The following EBF1 variants were observed in gnomAD, a reference collection of about 807,000 sequenced individuals.
The protein encoded by EBF1 is EBF transcription factor 1.
A neutral mutation model predicts 68.4 loss-of-function variants in EBF1; 10 were observed. The observed-to-expected ratio is 0.15, with a 90% CI of 0.09 to 0.25. The LOEUF (loss-of-function observed/expected upper bound fraction) is 0.25. EBF1 is among the 10% of genes least tolerant of loss of function. EBF1 has a pLI of 1.00. For missense variants in EBF1, 509 were observed against 794.4 expected, an observed-to-expected ratio of 0.64 and a Z score of 4.32; for synonymous variants, 298 against 299.8, an observed-to-expected ratio of 0.99 and a Z score of 0.06.
chr5:158,788,102 G>A (rs773962469), intron 9 of EBF1, among the ~76,000 whole-genome samples: 1 of 152,140 alleles, frequency 6.6e-6, no homozygotes, highest in Non-Finnish European at 1.5e-5. Flanking sequence ...AAAGCTCTGT[G>A]CTGGGCATCA....
At chr5:158,937,887 T>C (rs1583308570) in intron 6 of EBF1, among the ~76,000 whole-genome samples, 1 of 152,204 alleles carries the variant, frequency 6.6e-6, no homozygotes, top group South Asian at 2.1e-4. Context: ...ACCCACCCCT[T>C]GGCCATTGTG....
chr5:159,002,203 G>GTATC (rs1762680304), intron 6 of EBF1, among the ~76,000 whole-genome samples: 1 of 150,688 alleles, frequency 6.6e-6, no homozygotes, highest in Non-Finnish European at 1.5e-5. Flanking sequence ...AAGTCCTGTG[G>GTATC]GATAGGTACA....
intron 9 of EBF1, among the ~76,000 whole-genome samples, chr5:158,794,663 A>G (rs746816347): frequency 3.9e-5 from 6 of 152,170 alleles, no homozygotes; most frequent in Non-Finnish European, 7.4e-5. Flanking sequence ...TCCGTATTAT[A>G]TTTACTCTTC....
At chr5:158,830,601 A>G (rs1787339290) in intron 7 of EBF1, among the ~76,000 whole-genome samples, 1 of 150,456 alleles carries the variant, frequency 6.6e-6, no homozygotes, top group Non-Finnish European at 1.5e-5. Context: ...CCTGGCTTAC[A>G]TCCTCTCTCT....
intron 6 of EBF1, among the ~76,000 whole-genome samples, chr5:158,942,310 G>A (rs752603796): frequency 1.3e-5 from 2 of 152,204 alleles, no homozygotes; most frequent in Non-Finnish European, 2.9e-5. Context: ...ACTGTCAAGA[G>A]CCCTAGCTCT....
At chr5:158,840,668 T>TG (rs1790111036) in intron 6 of EBF1, among the ~76,000 whole-genome samples, 2 of 79,322 alleles carry the variant, frequency 2.5e-5, no homozygotes, top group Admixed American at 1.3e-4. Context: ...TTTTTTTTTT[T>TG]TTTTGTTTTT....
intron 6 of EBF1, among the ~76,000 whole-genome samples, chr5:159,013,758 T>G (rs1024272685): frequency 2.0e-5 from 3 of 152,114 alleles, no homozygotes; most frequent in African/African-American, 7.2e-5. Context: ...TTGAGACTGA[T>G]CCAAACTGAA....
At chr5:159,063,897 C>T (rs1776291405) in intron 6 of EBF1, among the ~76,000 whole-genome samples, 1 of 152,152 alleles carries the variant, frequency 6.6e-6, no homozygotes, top group Admixed American at 6.5e-5. Flanking sequence ...TGACTTTTCC[C>T]ATTTTGAAGA....
At chr5:158,911,433 C>T (rs893480028) in intron 6 of EBF1, among the ~76,000 whole-genome samples, 2 of 151,914 alleles carry the variant, frequency 1.3e-5, no homozygotes, top group African/African-American at 4.8e-5. Context: ...AGACAATTAA[C>T]AAAAAATGTC....
chr5:158,904,161 C>G (rs1046306284), intron 6 of EBF1, among the ~76,000 whole-genome samples: 1 of 152,186 alleles, frequency 6.6e-6, no homozygotes, highest in South Asian at 2.1e-4. Context: ...CAGAGCCAAT[C>G]TGAGTTCAAA....
intron 6 of EBF1, among the ~76,000 whole-genome samples, chr5:158,947,146 G>A (rs1206735628): frequency 6.6e-6 from 1 of 152,150 alleles, no homozygotes; most frequent in Non-Finnish European, 1.5e-5. Flanking sequence ...GATCCACTGA[G>A]CAAAACCACT....
intron 9 of EBF1, among the ~76,000 whole-genome samples, chr5:158,785,934 C>A (rs927114513): frequency 2.0e-5 from 3 of 152,082 alleles, no homozygotes; most frequent in African/African-American, 7.2e-5. Flanking sequence ...AAGGATATGA[C>A]CTTGGCCTTC....
chr5:158,839,793 G>A (rs940449426), intron 7 of EBF1, among the ~76,000 whole-genome samples: 1 of 152,106 alleles, frequency 6.6e-6, no homozygotes, highest in Admixed American at 6.6e-5. Flanking sequence ...GTCCACTCAG[G>A]CAGCCAAAAC....
intron 6 of EBF1, among the ~76,000 whole-genome samples, chr5:159,051,965 A>T (rs1189481519): frequency 6.6e-6 from 1 of 152,180 alleles, no homozygotes; most frequent in Non-Finnish European, 1.5e-5. Context: ...TGTGTACACA[A>T]ATCTGCGTGG....
intron 10 of EBF1, among the ~76,000 whole-genome samples, chr5:158,771,211 A>C (rs1247371237): frequency 6.6e-6 from 1 of 152,096 alleles, no homozygotes; most frequent in Admixed American, 6.6e-5. Context: ...TATACCCACT[A>C]TCTGCTTTTC....
At chr5:158,706,257 G>A (rs918105682) in intron 15 of EBF1, among the ~76,000 whole-genome samples, 5 of 151,662 alleles carry the variant, frequency 3.3e-5, no homozygotes, top group African/African-American at 1.2e-4. Context: ...GAGTGGGGAA[G>A]AGCGGCGTGC....
intron 6 of EBF1, among the ~76,000 whole-genome samples, chr5:159,053,755 T>A (rs1369779418): frequency 6.6e-6 from 1 of 152,172 alleles, no homozygotes; most frequent in Non-Finnish European, 1.5e-5. Context: ...AGGAACATAA[T>A]TACCAACTTT....
chr5:158,899,867 T>C (rs1802920889), intron 6 of EBF1, among the ~76,000 whole-genome samples: 1 of 152,132 alleles, frequency 6.6e-6, no homozygotes, highest in Non-Finnish European at 1.5e-5. Context: ...TTAACCCTCT[T>C]CTCTTCCTAC....
chr5:158,822,480 A>G (rs17056276), intron 8 of EBF1, among the ~76,000 whole-genome samples: 2,193 of 152,254 alleles, frequency 0.014, 61 homozygotes, highest in African/African-American at 0.05. Context: ...TCAAATTTTT[A>G]TCTGGTTTCC....
Sources: gnomAD v4.1 joint callset for allele counts (sites outside exome capture counted in the v4.1 genomes callset) on GRCh38, gnomAD v4.1.1 for gene constraint, MANE v1.5 for transcripts, NCBI Gene and HGNC (gene_info 2026-07-23, HGNC 2026-07-21) for gene names.